Variants in SPMIP11 observed in about 807,000 individuals in gnomAD.
SPMIP11 encodes the protein long intergenic non-protein coding RNA 935.
chr12:48,765,135 A>G, the SPMIP11 span: 1 of 594,414 alleles, frequency 1.7e-6, no homozygotes, highest in Non-Finnish European at 3.0e-6. Context: ...CTGGCCCCAG[A>G]ATTTGGGCCG....
the SPMIP11 span, among the ~76,000 whole-genome samples, chr12:48,744,205 GC>G: frequency 2.0e-5 from 3 of 146,926 alleles, no homozygotes; most frequent in Middle Eastern, 3.3e-3. Flanking sequence ...CCGAGATCGT[GC>G]CATTGCACTC....
the SPMIP11 span, chr12:48,770,844 C>T: frequency 6.2e-7 from 1 of 1,614,120 alleles, no homozygotes; most frequent in East Asian, 2.2e-5. Context: ...GCGTAGTCAG[C>T]CAGGGCAGTG....
At chr12:48,766,876 AC>A in the SPMIP11 span, 4 of 152,350 alleles carry the variant, frequency 2.6e-5, no homozygotes, top group Admixed American at 6.5e-5. Flanking sequence ...AGACAGAGAA[AC>A]TGAGGCACCA....
chr12:48,741,787 A>G, the SPMIP11 span, among the ~76,000 whole-genome samples: 1 of 151,918 alleles, frequency 6.6e-6, no homozygotes. Flanking sequence ...CTACAGATGC[A>G]CACCACCACA....
the SPMIP11 span, among the ~76,000 whole-genome samples, chr12:48,752,710 T>C: frequency 2.0e-5 from 3 of 149,210 alleles, no homozygotes; most frequent in Non-Finnish European, 3.0e-5. Flanking sequence ...TTGCTCTTGT[T>C]GCCCAGGCTG....
At chr12:48,740,034 T>C in the SPMIP11 span, among the ~76,000 whole-genome samples, 1 of 152,204 alleles carries the variant, frequency 6.6e-6, no homozygotes, top group Non-Finnish European at 1.5e-5. Context: ...CATATGCTCT[T>C]ATATCCTTGA....
chr12:48,765,771 G>A, the SPMIP11 span: 3 of 676,912 alleles, frequency 4.4e-6, no homozygotes, highest in East Asian at 8.2e-5. Context: ...AGAAAGCACA[G>A]TAAACAGACT....
the SPMIP11 span, among the ~76,000 whole-genome samples, chr12:48,757,353 T>TA: frequency 2.2e-4 from 33 of 151,800 alleles, no homozygotes; most frequent in Non-Finnish European, 3.7e-4. Flanking sequence ...ATGAATGTAT[T>TA]AAAAAAAATA....
chr12:48,751,879 C>A, the SPMIP11 span, among the ~76,000 whole-genome samples: 1 of 151,830 alleles, frequency 6.6e-6, no homozygotes, highest in South Asian at 2.1e-4. Flanking sequence ...CCAGCCTGGC[C>A]AACATGGTGA....
At chr12:48,765,110 T>C in the SPMIP11 span, 3 of 599,004 alleles carry the variant, frequency 5.0e-6, 1 homozygote, top group South Asian at 4.0e-5. Context: ...GAGATTTGAG[T>C]CTTACCAGAG....
chr12:48,751,105 G>A, the SPMIP11 span, among the ~76,000 whole-genome samples: 1 of 152,002 alleles, frequency 6.6e-6, no homozygotes, highest in African/African-American at 2.4e-5. Context: ...CCTAGTGGGT[G>A]TGAGTGTATT....
At chr12:48,750,197 A>G in the SPMIP11 span, among the ~76,000 whole-genome samples, 7 of 152,010 alleles carry the variant, frequency 4.6e-5, no homozygotes, top group Admixed American at 4.6e-4. Flanking sequence ...ACTAAAAATC[A>G]AAAAAATTGG....
the SPMIP11 span, among the ~76,000 whole-genome samples, chr12:48,731,674 T>A: frequency 4.0e-3 from 607 of 152,254 alleles, 1 homozygote; most frequent in African/African-American, 0.014. Flanking sequence ...AACAACATTC[T>A]ACAACTTCAG....
At chr12:48,765,321 A>C in the SPMIP11 span, among the ~76,000 whole-genome samples, 1 of 152,188 alleles carries the variant, frequency 6.6e-6, no homozygotes, top group East Asian at 1.9e-4. Flanking sequence ...AGCCTCTGCC[A>C]CCCAGGTTCA....
chr12:48,766,409 G>A, the SPMIP11 span: 4 of 152,628 alleles, frequency 2.6e-5, no homozygotes, highest in African/African-American at 9.7e-5. Flanking sequence ...GGGATCCAGG[G>A]TGTGGACAGG....
At chr12:48,770,084 T>G in the SPMIP11 span, among the ~76,000 whole-genome samples, 3 of 148,728 alleles carry the variant, frequency 2.0e-5, no homozygotes, top group Admixed American at 1.3e-4. Flanking sequence ...TTTTTTTTTT[T>G]CAGTAGAAAA....
chr12:48,731,118 C>G, the SPMIP11 span, among the ~76,000 whole-genome samples: 318 of 152,282 alleles, frequency 2.1e-3, 3 homozygotes, highest in African/African-American at 7.2e-3. Flanking sequence ...GGCCACTGTA[C>G]AAATGATTGA....
chr12:48,771,086 C>T, the SPMIP11 span: 4 of 1,000,558 alleles, frequency 4.0e-6, no homozygotes, highest in Admixed American at 2.2e-5. The surrounding 1 kb of genome is among the most constrained non-coding windows in gnomAD (Gnocchi z 4.3). Context: ...TCTCAAGAGC[C>T]CCCTTCCAGC....
the SPMIP11 span, among the ~76,000 whole-genome samples, chr12:48,739,542 G>A: frequency 6.6e-6 from 1 of 152,102 alleles, no homozygotes; most frequent in Admixed American, 6.6e-5. Flanking sequence ...ATGTTTAACT[G>A]TCCCATGGTT....
Sources: allele counts gnomAD v4.1 joint callset (sites outside exome capture counted in the v4.1 genomes callset), GRCh38; gene constraint gnomAD v4.1.1; non-coding constraint Gnocchi (gnomAD v3.1); transcripts MANE v1.5; gene names NCBI Gene and HGNC (gene_info 2026-07-23, HGNC 2026-07-21).